RAET1L: variants seen among roughly 807,000 people sequenced by gnomAD.
RAET1L encodes the protein retinoic acid early transcript 1L, also known as UL16-binding protein 6.
Under a neutral mutation model 23.9 loss-of-function variants are expected in RAET1L, and 16 were observed. The ratio of observed to expected loss-of-function variants is 0.67; its 90% CI spans 0.45 to 1.02. The LOEUF is 1.02. RAET1L is among the 50% of genes least tolerant of loss of function. The pLI, the probability that RAET1L is intolerant of heterozygous loss-of-function variation, is 0.00. For missense variants in RAET1L, 233 were observed against 304.0 expected, an observed-to-expected ratio of 0.77 and a Z score of 1.74; for synonymous variants, 70 against 111.2, an observed-to-expected ratio of 0.63 and a Z score of 2.33.
At position 150,021,221 on chromosome 6, in the gene RAET1L, G is replaced by C. The variant is rs546746116; in HGVS notation, c.350-35C>G. 3 of 1,583,454 alleles carry C rather than the reference G, an allele frequency of 1.9e-6. No homozygotes were observed. The African/African-American group carries it at 4.1e-5, about 22-fold the overall frequency. On this transcript the variant is annotated intron_variant, in intron 2 of 4. Transcript: ENST00000367341. The stretch of plus-strand genomic sequence containing the variant: ...TCAGAGAGAGATCAGCTCTGATCTT[G>C]ACAAATTTTGCACCCCCATCCTGTT...
intron 3 of RAET1L, 61 bp downstream of exon 3, chr6:150,020,844 A>G: frequency 2.5e-6 from 4 of 1,593,658 alleles, no homozygotes; most frequent in South Asian, 2.3e-5. Flanking sequence ...TCAAGAACTA[A>G]CTTCTTGAGA....
chr6:150,022,491 C>T (rs1396030294), intron 1 of RAET1L, among the ~76,000 whole-genome samples: 6 of 72,388 alleles, frequency 8.3e-5, no homozygotes, highest in Admixed American at 3.9e-4. Flanking sequence ...GTCCCACTGC[C>T]CCTCTGCCCA....
chr6:150,020,357 C>T (rs1779869969), intron 3 of RAET1L, 118 bp from the exon 4 acceptor site: 2 of 1,585,256 alleles, frequency 1.3e-6, no homozygotes, highest in East Asian at 4.5e-5. Context: ...CCCCTCCCCC[C>T]TGGTGTGGGG....
At chr6:150,020,635 C>T (rs1779873357) in intron 3 of RAET1L, among the ~76,000 whole-genome samples, 3 of 152,098 alleles carry the variant, frequency 2.0e-5, no homozygotes, top group Admixed American at 6.5e-5. Flanking sequence ...GTTCTGAAAA[C>T]AGTGACACCT....
At chr6:150,019,521 T>A (rs929019594) in intron 4 of RAET1L, among the ~76,000 whole-genome samples, 1 of 151,686 alleles carries the variant, frequency 6.6e-6, no homozygotes, top group Non-Finnish European at 1.5e-5. Context: ...TGGGACTGAC[T>A]TTTTAAAAAT....
Position 150,021,119 on chromosome 6 carries a change from C to T in RAET1L, c.417G>A (p.Trp139Ter), listed in dbSNP as rs1253289139. 6.2e-6 allele frequency: 10 copies of T among 1,614,010 alleles called. No homozygotes were observed. Among genetic ancestry groups the T allele is most frequent in the Non-Finnish European group, 8.5e-6 (10 of 1,180,024 alleles). Residue 139 changes from tryptophan to a stop codon, truncating the protein, a stop_gained, in exon 3 of 5, where the codon TGG becomes TGA. Coordinates refer to ENST00000367341, the MANE Select transcript of RAET1L (RefSeq NM_130900.3). LOFTEE classifies it high-confidence loss of function. The part of the protein sequence containing the change: ...QKAEGHSSGS[W>*]QFSIDGQTFL... ...AGGTCTGTCCATCGATACTGAACTG[C>T]CAAGATCCACTGCTGTGTCCTTCAG...
chr6:150,023,244 A>G (rs2152103), intron 1 of RAET1L, among the ~76,000 whole-genome samples: 129 of 152,270 alleles, frequency 8.5e-4, no homozygotes, highest in East Asian at 6.2e-3. Context: ...AGGGGTCCAA[A>G]GTCCAAAAGA....
chr6:150,025,524 G>T lies in RAET1L; in HGVS notation c.-53C>A. ...GATTTAATCAAGGTGGATCCTGGAA[G>T]ATGAAATCACCTCTGTGCTGAAAGG... On this transcript the variant is annotated 5_prime_UTR_variant, in exon 1 of 5. Coordinates refer to ENST00000367341, the MANE Select transcript of RAET1L (RefSeq NM_130900.3). 1 of 1,445,048 alleles carries T rather than the reference G, an allele frequency of 6.9e-7. No homozygotes were observed. The highest frequency in any genetic ancestry group is 9.7e-7 in the Non-Finnish European group (1 of 1,030,068). 89.5% of individuals were successfully genotyped at this position (1,445,048 alleles called of 1,614,324 possible). A position where few individuals can be genotyped will look rare whatever the true frequency, so the allele number is the denominator to read the frequency against.
At chr6:150,023,938 T>A (rs969757911) in intron 1 of RAET1L, among the ~76,000 whole-genome samples, 3 of 152,150 alleles carry the variant, frequency 2.0e-5, no homozygotes, top group African/African-American at 7.2e-5. Flanking sequence ...CCATTACTGG[T>A]GGGCTCCTCG....
chr6:150,020,778 C>T (rs1175979095), intron 3 of RAET1L, 127 bp downstream of exon 3: 2 of 1,485,274 alleles, frequency 1.3e-6, no homozygotes, highest in African/African-American at 2.8e-5. Flanking sequence ...GGAGGAGGGC[C>T]CGACGAGGAG....
chr6:150,024,724 G>A (rs981439702), intron 1 of RAET1L, among the ~76,000 whole-genome samples: 2 of 152,076 alleles, frequency 1.3e-5, no homozygotes, highest in Non-Finnish European at 2.9e-5. Flanking sequence ...AAGGTGCGAC[G>A]TGGTGTAGGA....
In RAET1L at chr6:150,025,369, C is replaced by G. The variant is rs755704351; in HGVS notation, c.85+18G>C. The G allele has an allele frequency of 1.2e-6, 2 of 1,610,116 alleles. No homozygotes were observed. The highest frequency in any genetic ancestry group is 1.7e-6 in the Non-Finnish European group (2 of 1,176,856). The stretch of plus-strand genomic sequence containing the variant: ...AGGTTTGGCCCCCGCCCCGCTTAGG[C>G]TCCATCCACCAGCTCACCGTCTCGC... On this transcript the variant is annotated intron_variant, in intron 1 of 4. Coordinates refer to ENST00000367341, the MANE Select transcript of RAET1L (RefSeq NM_130900.3).
chr6:150,025,033 T>C (rs1779930816), intron 1 of RAET1L, among the ~76,000 whole-genome samples: 1 of 152,026 alleles, frequency 6.6e-6, no homozygotes, highest in African/African-American at 2.4e-5. Flanking sequence ...CTTCACCCAG[T>C]CCTGACCCCA....
Position 150,021,834 on chromosome 6 carries a change from G to C in RAET1L, c.349+146C>G, listed in dbSNP as rs1300840562. 5.2e-5 allele frequency: 65 copies of C among 1,245,084 alleles called. 1 individual carries two copies. The highest frequency in any genetic ancestry group is 2.0e-4 in the Middle Eastern group (1 of 5,034). The allele number at this position is 1,245,084 out of a possible 1,614,324, so 77.1% of individuals were successfully genotyped here. ...GTCTCGAATTCCTGACCTTGTGATCGGCCCACCTCTACCTCACAAAGTGCT... is the reference window on the plus strand; with the variant it reads ...GTCTCGAATTCCTGACCTTGTGATCCGCCCACCTCTACCTCACAAAGTGCT... On this transcript the variant is annotated intron_variant, in intron 2 of 4. Coordinates refer to ENST00000367341, the MANE Select transcript of RAET1L (RefSeq NM_130900.3).
In RAET1L at chr6:150,020,958, C is replaced by T. The variant is rs770170425; in HGVS notation, c.578G>A (p.Trp193Ter). Reference protein sequence around the residue: ...HYISMGDCIGWLEDFLMGMDS... With the variant: ...HYISMGDCIG Reference sequence around the variant, plus strand: ...CATGCCCATCAAGAAGTCCTCAAGCCATCCTATGCAGTCTCCCATTGAGAT... The same window carrying T: ...CATGCCCATCAAGAAGTCCTCAAGCTATCCTATGCAGTCTCCCATTGAGAT... Residue 193 changes from tryptophan (W) to a stop codon, truncating the protein, a stop_gained, in exon 3 of 5, where the codon TGG (tryptophan) becomes TAG (stop). Coordinates refer to ENST00000367341, the MANE Select transcript of RAET1L (RefSeq NM_130900.3). LOFTEE classifies it high-confidence loss of function. The T allele has an allele frequency of 9.3e-6, 15 of 1,614,074 alleles. No individual in the cohort carries two copies. The highest frequency in any genetic ancestry group is 1.7e-5 in the Admixed American group (1 of 60,010).
intron 4 of RAET1L, among the ~76,000 whole-genome samples, chr6:150,019,062 G>A (rs1479295700): frequency 6.6e-6 from 1 of 152,156 alleles, no homozygotes; most frequent in Non-Finnish European, 1.5e-5. Context: ...CCCTGCACCT[G>A]ACCAGGGGAT....
At chr6:150,023,813 A>G (rs186627573) in intron 1 of RAET1L, among the ~76,000 whole-genome samples, 2 of 152,208 alleles carry the variant, frequency 1.3e-5, no homozygotes, top group African/African-American at 2.4e-5. Context: ...CCTGTAGAGT[A>G]CTGCACCTTG....
At chr6:150,021,322 C>G in intron 2 of RAET1L, 136 bp from the exon 3 acceptor site, 2 of 1,163,966 alleles carry the variant, frequency 1.7e-6, no homozygotes, top group Non-Finnish European at 2.4e-6. Context: ...GGTAAGATGA[C>G]CTTCCCATTT....
In RAET1L at chr6:150,021,102, C is replaced by T. The variant is rs772625403; in HGVS notation, c.434G>A (p.Gly145Glu). 3 of 1,614,154 alleles carry T rather than the reference C, an allele frequency of 1.9e-6. No individual in the cohort carries two copies. Among genetic ancestry groups the T allele is most frequent in the Admixed American group, 1.7e-5 (1 of 60,020 alleles). The change falls in exon 3 of 5, where the codon GGA becomes GAA. Residue 145 changes from glycine to glutamate, a missense_variant. By Grantham distance (98) the Gly-to-Glu change is moderately conservative (BLOSUM62 -2). Around this residue, in one of 4 missense-constraint regions of RAET1L, gnomAD observed 139 missense variants for 125.3 expected, o/e 1.11. Transcript: ENST00000367341. Reference protein sequence around the residue: ...SSGSWQFSIDGQTFLLFDSEK... With the variant: ...SSGSWQFSIDEQTFLLFDSEK... ...TGAGTCAAAGAGTAGGAAGGTCTGT[C>T]CATCGATACTGAACTGCCAAGATCC...
Sources: gnomAD v4.1 joint callset for allele counts (sites outside exome capture counted in the v4.1 genomes callset) on GRCh38, gnomAD v4.1.1 for gene constraint, gnomAD v4.1.1 regional missense constraint, MANE v1.5 for transcripts, NCBI Gene and HGNC (gene_info 2026-07-23, HGNC 2026-07-21) for gene names.